ARHGEF10L: variants seen among roughly 807,000 people sequenced by gnomAD.
The protein encoded by ARHGEF10L is rho guanine nucleotide exchange factor 10-like protein.
Under a neutral mutation model 141.2 loss-of-function variants are expected in ARHGEF10L, and 69 were observed. The observed-to-expected ratio is 0.49, with a 90% confidence interval of 0.40 to 0.60. The LOEUF (loss-of-function observed/expected upper bound fraction) is 0.60, where lower values mean the gene tolerates loss of function less well. Among genes scored for constraint, ARHGEF10L ranks in the 20% least tolerant of loss-of-function variants. ARHGEF10L has a pLI of 0.00. For missense variants in ARHGEF10L, 1,482 were observed against 1,734.3 expected (o/e 0.85, Z 2.58); for synonymous variants, 711 against 718.5 (o/e 0.99, Z 0.17).
chr1:17,666,253 T>C (rs199647762), intron 26 of ARHGEF10L, among the ~76,000 whole-genome samples: 1 of 152,128 alleles, frequency 6.6e-6, no homozygotes, highest in East Asian at 1.9e-4. Flanking sequence ...CCATCTCTCA[T>C]GGAGTGAGAT....
At chr1:17,533,220 G>T in the ARHGEF10L span, among the ~76,000 whole-genome samples, 1 of 152,148 alleles carries the variant, frequency 6.6e-6, no homozygotes, top group Non-Finnish European at 1.5e-5. Context: ...GGTAAAATGG[G>T]GATAAAAGTA....
chr1:17,575,834 C>G (rs2078198604), intron 1 of ARHGEF10L, among the ~76,000 whole-genome samples: 1 of 152,200 alleles, frequency 6.6e-6, no homozygotes, highest in Non-Finnish European at 1.5e-5. Context: ...CCAGCCCAAG[C>G]ACCTGGTCTT....
rs370850276 is a variant in ARHGEF10L, at chr1:17,686,465, T to TA, written c.3010-1107dup. Among the ~76,000 whole-genome samples, 410 of 152,284 alleles carry TA rather than the reference T, an allele frequency of 2.7e-3. 2 individuals are homozygous for TA. Among genetic ancestry groups the TA allele is most frequent in the African/African-American group, 9.6e-3 (399 of 41,558 alleles). ...AAGTAGAACCACAGAATGGTGTAGG[T>TA]ATTCCAGGCTAGACAGCAGAGCACG... is the stretch of plus-strand genomic sequence containing the variant. On this transcript the variant is annotated intron_variant, in intron 26 of 28. Transcript: ENST00000361221.
intron 1 of ARHGEF10L, among the ~76,000 whole-genome samples, chr1:17,563,385 C>T (rs2100217329): frequency 6.6e-6 from 1 of 152,222 alleles, no homozygotes; most frequent in South Asian, 2.1e-4. Flanking sequence ...CAGGCGTGTA[C>T]CACCATGCCT....
At chr1:17,599,003 C>T (rs894094779) in intron 4 of ARHGEF10L, among the ~76,000 whole-genome samples, 13 of 152,088 alleles carry the variant, frequency 8.5e-5, no homozygotes, top group Admixed American at 5.2e-4. Context: ...GTTTCCCCAC[C>T]TGTAGAATAG....
intron 26 of ARHGEF10L, among the ~76,000 whole-genome samples, chr1:17,686,502 G>A (rs1249158126): frequency 3.9e-5 from 6 of 152,214 alleles, no homozygotes; most frequent in South Asian, 4.1e-4. Context: ...CATTCAGAAG[G>A]AAGTGGCTGG....
chr1:17,636,546 T>C (rs2061012994), intron 18 of ARHGEF10L, among the ~76,000 whole-genome samples: 1 of 152,214 alleles, frequency 6.6e-6, no homozygotes, highest in African/African-American at 2.4e-5. Flanking sequence ...CAGGTTCCTC[T>C]GCGCTTTCGT....
At chr1:17,617,268 G>A (rs2059860493) in intron 9 of ARHGEF10L, among the ~76,000 whole-genome samples, 1 of 152,244 alleles carries the variant, frequency 6.6e-6, no homozygotes, top group South Asian at 2.1e-4. Flanking sequence ...CATGTGACAA[G>A]TTTTATTAAG....
Position 17,627,195 on chromosome 1 carries a change from C to A in ARHGEF10L, c.1411-135C>A. On this transcript the variant is annotated intron_variant, in intron 14 of 28. Coordinates refer to ENST00000361221, the MANE Select transcript of ARHGEF10L (RefSeq NM_018125.4). The surrounding 1 kb of genome is among the most constrained non-coding windows in gnomAD (Gnocchi z 4.0). ...TTGAGGTCTTGTTCTGCATCTGGTG[C>A]CATCTGTCCTGGCCTCAGGCCGGGC... 1 of 928,394 alleles carries A rather than the reference C, an allele frequency of 1.1e-6. No individual in the cohort carries two copies. The highest frequency in any genetic ancestry group is 1.6e-6 in the Non-Finnish European group (1 of 618,766). 57.5% of individuals were successfully genotyped at this position (928,394 alleles called of 1,614,324 possible).
At chr1:17,695,790 T>TCTC (rs35583176) in intron 28 of ARHGEF10L, among the ~76,000 whole-genome samples, 3 of 151,824 alleles carry the variant, frequency 2.0e-5, no homozygotes, top group Non-Finnish European at 4.4e-5. Context: ...CGGGTCCCCC[T>TCTC]CCACCACCCT....
Position 17,639,783 on chromosome 1 carries a change from A to G in ARHGEF10L, c.2172-419A>G. 1 of 1,154,850 alleles carries G rather than the reference A, an allele frequency of 8.7e-7. No individual in the cohort carries two copies. The highest frequency in any genetic ancestry group is 1.2e-6 in the Non-Finnish European group (1 of 862,594). 71.5% of individuals were successfully genotyped at this position (1,154,850 alleles called of 1,614,324 possible). ...CAAACATTTACTGAGCAACTGTCCCATGCCAGGTGCTGGGAACAGACCCAA... is the reference window on the plus strand; with the variant it reads ...CAAACATTTACTGAGCAACTGTCCCGTGCCAGGTGCTGGGAACAGACCCAA... On this transcript the variant is annotated intron_variant, in intron 20 of 28. Transcript: ENST00000361221. This position sits in a 1 kb window ranked among gnomAD's most constrained non-coding sequence, Gnocchi z 4.3.
chr1:17,639,935 G>A lies in ARHGEF10L; in HGVS notation c.2172-267G>A, dbSNP rs2061234865. 1 of 1,475,250 alleles carries A rather than the reference G, an allele frequency of 6.8e-7. No homozygotes were observed. Among genetic ancestry groups the A allele is most frequent in the Admixed American group, 2.0e-5 (1 of 48,818 alleles). 91.4% of individuals were successfully genotyped at this position (1,475,250 alleles called of 1,614,324 possible). A position where few individuals can be genotyped will look rare whatever the true frequency, so the allele number is the denominator to read the frequency against. On this transcript the variant is annotated intron_variant, in intron 20 of 28. Coordinates refer to ENST00000361221, the MANE Select transcript of ARHGEF10L (RefSeq NM_018125.4). This position sits in a 1 kb window ranked among gnomAD's most constrained non-coding sequence, Gnocchi z 4.3. ...AGGCTCTGCCGGGCACAAAGCCAGAGGCTCCTGGAGCCAGGCTGGGGAGCG... is the reference window on the plus strand; with the variant it reads ...AGGCTCTGCCGGGCACAAAGCCAGAAGCTCCTGGAGCCAGGCTGGGGAGCG...
chr1:17,659,605 A>G (rs542180935), intron 25 of ARHGEF10L, among the ~76,000 whole-genome samples: 10 of 152,294 alleles, frequency 6.6e-5, no homozygotes, highest in African/African-American at 2.2e-4. Context: ...TCAACCTCAG[A>G]ACCCACCATA....
chr1:17,528,713 A>C, the ARHGEF10L span, among the ~76,000 whole-genome samples: 2 of 152,202 alleles, frequency 1.3e-5, no homozygotes, highest in African/African-American at 4.8e-5. Context: ...AACTCTGTGC[A>C]CTGGATACAT....
intron 25 of ARHGEF10L, among the ~76,000 whole-genome samples, chr1:17,657,770 C>T (rs999286511): frequency 5.3e-5 from 8 of 152,212 alleles, no homozygotes; most frequent in African/African-American, 1.7e-4. Flanking sequence ...CTCAGATCTG[C>T]GGAGACTCAT....
chr1:17,640,333 G>T (rs545074838), intron 21 of ARHGEF10L, 31 bp downstream of exon 21: 1 of 1,575,976 alleles, frequency 6.3e-7, no homozygotes, highest in African/African-American at 1.3e-5. Flanking sequence ...AGTGCCTCAG[G>T]GGGCAGGGGT....
At position 17,607,281 on chromosome 1, in the gene ARHGEF10L, C is replaced by T. The variant is rs1014186326; in HGVS notation, c.434-521C>T. 1.4e-4 allele frequency among the ~76,000 whole-genome samples: 21 copies of T among 152,248 alleles called. No individual in the cohort carries two copies. Among genetic ancestry groups the T allele is most frequent in the African/African-American group, 5.1e-4 (21 of 41,540 alleles). On this transcript the variant is annotated intron_variant, in intron 6 of 28. Transcript: ENST00000361221. The surrounding 1 kb of genome is among the most constrained non-coding windows in gnomAD (Gnocchi z 4.5). ...CTTGAGTCCAGGAGCTCAAGACCAG[C>T]CTGGGCAACATAACAAGACTCCGTC...
chr1:17,695,066 C>T (rs2065392589), intron 27 of ARHGEF10L, 92 bp from the exon 28 acceptor site: 1 of 1,576,258 alleles, frequency 6.3e-7, no homozygotes. Context: ...AGGGGAGGAG[C>T]CCGCTGTGCC....
chr1:17,528,126 C>G, the ARHGEF10L span, among the ~76,000 whole-genome samples: 1 of 152,104 alleles, frequency 6.6e-6, no homozygotes, highest in African/African-American at 2.4e-5. Context: ...TCCCAAAATG[C>G]TAGGATTGTA....
Sources: allele counts gnomAD v4.1 joint callset (sites outside exome capture counted in the v4.1 genomes callset), GRCh38; gene constraint gnomAD v4.1.1; non-coding constraint Gnocchi (gnomAD v3.1); transcripts MANE v1.5; gene names NCBI Gene and HGNC (gene_info 2026-07-23, HGNC 2026-07-21).